SH3BP4: variants seen among roughly 807,000 people sequenced by gnomAD.
SH3BP4 encodes SH3 domain binding protein 4.
In SH3BP4, 33 loss-of-function variants were observed where a neutral mutation model predicts 65.5. The observed-to-expected ratio is 0.50, with a 90% confidence interval of 0.38 to 0.67. The LOEUF is 0.67. SH3BP4 is among the 30% of genes least tolerant of loss of function. SH3BP4 has a pLI of 0.00. For synonymous variants in SH3BP4, 552 were observed against 545.5 expected (o/e 1.01, Z -0.17); for missense variants, 1,134 against 1,261.4 (o/e 0.90, Z 1.53).
intron 2 of SH3BP4, chr2:234,995,913 G>A (rs899518942): frequency 4.6e-5 from 7 of 152,372 alleles, no homozygotes; most frequent in Non-Finnish European, 5.9e-5. Context: ...CTTGAAACAC[G>A]CTGGCAAAAA....
intron 2 of SH3BP4, among the ~76,000 whole-genome samples, chr2:235,031,794 T>A (rs1292963861): frequency 6.6e-6 from 1 of 152,236 alleles, no homozygotes; most frequent in Non-Finnish European, 1.5e-5. Context: ...GCTCTCCAGG[T>A]AACAGTTCCT....
chr2:234,990,522 C>T (rs1193804367), intron 1 of SH3BP4, among the ~76,000 whole-genome samples: 1 of 152,208 alleles, frequency 6.6e-6, no homozygotes. Context: ...TTTGTGTGTT[C>T]CTGCATATTC....
chr2:235,010,613 C>T (rs1694450350), intron 2 of SH3BP4, among the ~76,000 whole-genome samples: 1 of 152,180 alleles, frequency 6.6e-6, no homozygotes, highest in South Asian at 2.1e-4. Flanking sequence ...GCTGCTGTAA[C>T]ACAGTGCCAA....
chr2:235,007,547 G>A (rs1341041890), intron 2 of SH3BP4, among the ~76,000 whole-genome samples: 3 of 152,204 alleles, frequency 2.0e-5, no homozygotes, highest in Admixed American at 1.3e-4. Context: ...AGATGGATCC[G>A]GCCCCAAATG....
In SH3BP4 at chr2:235,034,451, C is replaced by T. The variant is rs1222572896; in HGVS notation, c.-132-420C>T. On this transcript the variant is annotated intron_variant, in intron 2 of 5. Transcript: ENST00000392011. The surrounding 1 kb of genome is among the most constrained non-coding windows in gnomAD (Gnocchi z 6.2). The stretch of plus-strand genomic sequence containing the variant: ...AGTCACCATGATGACTGCCCCTGCG[C>T]TGGGATCAGCCACTCTGAACAAGCA... 6.6e-6 allele frequency among the ~76,000 whole-genome samples: 1 copy of T among 152,146 alleles called. No homozygotes were observed. The highest frequency in any genetic ancestry group is 1.5e-5 in the Non-Finnish European group (1 of 68,022).
At chr2:234,987,577 C>T (rs905676839) in intron 1 of SH3BP4, among the ~76,000 whole-genome samples, 3 of 152,160 alleles carry the variant, frequency 2.0e-5, no homozygotes, top group Non-Finnish European at 4.4e-5. Flanking sequence ...CCAACATGGG[C>T]GGCTCATGGT....
rs998179112 is a variant in SH3BP4, at chr2:235,033,015, T to C, written c.-132-1856T>C. 6.6e-6 allele frequency among the ~76,000 whole-genome samples: 1 copy of C among 152,140 alleles called. No individual in the cohort carries two copies. Among genetic ancestry groups the C allele is most frequent in the Non-Finnish European group, 1.5e-5 (1 of 68,000 alleles). ...GGCCTGGGTGAGTGCTGGCCTCCAC[T>C]CTGCCCCTCCTTACACTGCTGGGTA... On this transcript the variant is annotated intron_variant, in intron 2 of 5. Coordinates refer to ENST00000392011, the MANE Select transcript of SH3BP4 (RefSeq NM_014521.3). The surrounding 1 kb of genome is among the most constrained non-coding windows in gnomAD (Gnocchi z 5.7).
chr2:235,048,338 G>A (rs376878284), intron 4 of SH3BP4, among the ~76,000 whole-genome samples: 13 of 151,928 alleles, frequency 8.6e-5, no homozygotes, highest in Admixed American at 2.0e-4. Context: ...ATTTTCCCCC[G>A]CCCCTTTTTT....
chr2:235,002,567 A>G (rs1694161896), intron 2 of SH3BP4, among the ~76,000 whole-genome samples: 1 of 152,190 alleles, frequency 6.6e-6, no homozygotes, highest in African/African-American at 2.4e-5. Context: ...CTCTATAAAA[A>G]ATACAAAAAA....
At chr2:235,038,265 TTATATATAA>T (rs1695462444) in intron 3 of SH3BP4, among the ~76,000 whole-genome samples, 1 of 41,240 alleles carries the variant, frequency 2.4e-5, no homozygotes, top group African/African-American at 1.1e-4. Flanking sequence ...ATAATATATA[TTATATATAA>T]TATATATTAT....
rs1695139139 is a variant in SH3BP4 at position 235,030,229 on chromosome 2, T to C, written c.-132-4642T>C. ...GTGGATGGTGAGGAGCTTGAGGAGCTCCAGGGGCCCAGCAGCCACTGGCAG... is the reference window on the plus strand; with the variant it reads ...GTGGATGGTGAGGAGCTTGAGGAGCCCCAGGGGCCCAGCAGCCACTGGCAG... On this transcript the variant is annotated intron_variant, in intron 2 of 5. Coordinates refer to ENST00000392011, the MANE Select transcript of SH3BP4 (RefSeq NM_014521.3). The surrounding 1 kb of genome is among the most constrained non-coding windows in gnomAD (Gnocchi z 4.1). Among the ~76,000 whole-genome samples the C allele has an allele frequency of 6.6e-6, 1 of 152,044 alleles. No homozygotes were observed. Among genetic ancestry groups the C allele is most frequent in the Admixed American group, 6.5e-5 (1 of 15,276 alleles).
chr2:234,992,834 C>T (rs1425741419), intron 1 of SH3BP4, among the ~76,000 whole-genome samples: 1 of 147,642 alleles, frequency 6.8e-6, no homozygotes, highest in Non-Finnish European at 1.5e-5. Flanking sequence ...TAGAGATGGA[C>T]ACGTTCCTGC....
chr2:235,036,740 A>AAAAAAAAATAATAAT (rs146049108), intron 3 of SH3BP4, among the ~76,000 whole-genome samples: 12 of 141,766 alleles, frequency 8.5e-5, no homozygotes, highest in African/African-American at 3.2e-4. Flanking sequence ...TCTATATAAA[A>AAAAAAAAATAATAAT]AATAATAATA....
rs1364303962 is a variant in SH3BP4 at position 235,034,359 on chromosome 2, G to C, written c.-132-512G>C. The stretch of plus-strand genomic sequence containing the variant: ...TGCAGGGGGATTTCAGGAGCGGATT[G>C]GGTAGGGAGCATCACCCTTGGGGCC... On this transcript the variant is annotated intron_variant, in intron 2 of 5. Coordinates refer to ENST00000392011, the MANE Select transcript of SH3BP4 (RefSeq NM_014521.3). This position sits in a 1 kb window ranked among gnomAD's most constrained non-coding sequence, Gnocchi z 6.2. Among the ~76,000 whole-genome samples, 5 of 152,156 alleles carry C rather than the reference G, an allele frequency of 3.3e-5. No individual in the cohort carries two copies. Among genetic ancestry groups the C allele is most frequent in the African/African-American group, 9.7e-5 (4 of 41,442 alleles).
chr2:235,048,986 T>G (rs962258989), intron 4 of SH3BP4, among the ~76,000 whole-genome samples: 3 of 152,232 alleles, frequency 2.0e-5, no homozygotes, highest in Non-Finnish European at 4.4e-5. Context: ...TTTCTATTGC[T>G]AAGAATTGGT....
rs553346402 is a variant in SH3BP4 at position 235,045,601 on chromosome 2, T to G, written c.2478+2354T>G. The stretch of plus-strand genomic sequence containing the variant: ...TGTGGTGATAAAGTGAAACTGGTTT[T>G]GCAGTGTCCCCACCCGCCCCCCACA... On this transcript the variant is annotated intron_variant, in intron 4 of 5. Coordinates refer to ENST00000392011, the MANE Select transcript of SH3BP4 (RefSeq NM_014521.3). This position sits in a 1 kb window ranked among gnomAD's most constrained non-coding sequence, Gnocchi z 4.3. Among the ~76,000 whole-genome samples the G allele has an allele frequency of 6.6e-6, 1 of 152,218 alleles. No individual in the cohort carries two copies. Among genetic ancestry groups the G allele is most frequent in the South Asian group, 2.1e-4 (1 of 4,824 alleles).
rs1430729434 is a variant in SH3BP4 at position 234,977,033 on chromosome 2, C to T, written c.-206-18270C>T. Among the ~76,000 whole-genome samples, 1 of 152,260 alleles carries T rather than the reference C, an allele frequency of 6.6e-6. No homozygotes were observed. The highest frequency in any genetic ancestry group is 1.5e-5 in the Non-Finnish European group (1 of 68,044). ...GTGCCGTCCTCCTGTAAGACACTCACAGGGAAGCCGGGTGGCGGGAGGCCT... is the reference window on the plus strand; with the variant it reads ...GTGCCGTCCTCCTGTAAGACACTCATAGGGAAGCCGGGTGGCGGGAGGCCT... On this transcript the variant is annotated intron_variant, in intron 1 of 5. Transcript: ENST00000392011. The surrounding 1 kb of genome is among the most constrained non-coding windows in gnomAD (Gnocchi z 5.1).
Position 235,042,758 on chromosome 2 carries a change from G to A in SH3BP4, c.1989G>A (p.Lys663=). 1 of 1,614,188 alleles carries A rather than the reference G, an allele frequency of 6.2e-7. No individual in the cohort carries two copies. Among genetic ancestry groups the A allele is most frequent in the Non-Finnish European group, 8.5e-7 (1 of 1,180,042 alleles). ...GCCTCAAGTTTGGTAAGTTGCTCAA[G>A]ACTGTGGTGCGGCAGAACAAGAACC... is the stretch of plus-strand genomic sequence containing the variant. The part of the protein sequence containing the change: ...VSSLKFGKLL[K]TVVRQNKNHY... Residue 663 remains lysine, a synonymous_variant, in exon 4 of 6, where the codon AAG becomes AAA. Transcript: ENST00000392011. This position sits in a 1 kb window ranked among gnomAD's most constrained non-coding sequence, Gnocchi z 7.3.
chr2:234,984,980 A>G (rs533177150), intron 1 of SH3BP4, among the ~76,000 whole-genome samples: 1 of 152,106 alleles, frequency 6.6e-6, no homozygotes, highest in African/African-American at 2.4e-5. Context: ...CCATGAGACT[A>G]TGCCCTAGAA....
Sources: gnomAD v4.1 joint callset for allele counts (sites outside exome capture counted in the v4.1 genomes callset) on GRCh38, gnomAD v4.1.1 for gene constraint, Gnocchi (gnomAD v3.1) non-coding constraint, MANE v1.5 for transcripts, NCBI Gene and HGNC (gene_info 2026-07-23, HGNC 2026-07-21) for gene names.